The following GFRA1 variants were observed in gnomAD, a reference collection of about 807,000 sequenced individuals.
GFRA1 encodes GDNF family receptor alpha 1.
GFRA1 carries 16 observed loss-of-function variants against 51.6 expected under a neutral mutation model. The observed-to-expected ratio is 0.31, with a 90% confidence interval of 0.21 to 0.47. The LOEUF is 0.47. Among genes scored for constraint, GFRA1 ranks in the 20% least tolerant of loss-of-function variants. The pLI is 1.00. For missense variants in GFRA1, 530 were observed against 594.3 expected, an observed-to-expected ratio of 0.89 and a Z score of 1.13; for synonymous variants, 270 against 241.3, an observed-to-expected ratio of 1.12 and a Z score of -1.10.
At chr10:116,250,294 G>A (rs2901100) in intron 4 of GFRA1, among the ~76,000 whole-genome samples, 38,541 of 152,084 alleles carry the variant, frequency 0.25, 6,080 homozygotes, top group Non-Finnish European at 0.35. Context: ...TGGACACTAC[G>A]TATGTCAACT....
intron 6 of GFRA1, among the ~76,000 whole-genome samples, chr10:116,104,781 ACT>A (rs924026435): frequency 2.0e-5 from 3 of 152,156 alleles, no homozygotes; most frequent in African/African-American, 4.8e-5. Context: ...CTTGACAGGT[ACT>A]CTCTACCTGG....
intron 5 of GFRA1, among the ~76,000 whole-genome samples, chr10:116,147,538 G>C (rs541698635): frequency 3.7e-4 from 44 of 120,358 alleles, no homozygotes; most frequent in African/African-American, 1.2e-3. Context: ...AAAAGAAAGT[G>C]CTAGCGCCTA....
In GFRA1 at chr10:116,062,324, G is replaced by T. The variant is rs1167109158; in HGVS notation, c.*2074C>A. 2.0e-5 allele frequency: 8 copies of T among 392,510 alleles called. No homozygotes were observed. The highest frequency in any genetic ancestry group is 6.4e-4 in the Middle Eastern group (1 of 1,572). 24.3% of individuals were successfully genotyped at this position (392,510 alleles called of 1,614,324 possible). A position where few individuals can be genotyped will look rare whatever the true frequency, so the allele number is the denominator to read the frequency against. On this transcript the variant is annotated 3_prime_UTR_variant, in exon 11 of 11. Coordinates refer to ENST00000355422, the MANE Select transcript of GFRA1 (RefSeq NM_005264.8). ...AGATAACTGGCATTCCAAATATTTT[G>T]ACACACTTACTTAATGTGTTTATTC...
intron 5 of GFRA1, among the ~76,000 whole-genome samples, chr10:116,188,472 G>A (rs977892108): frequency 6.6e-6 from 1 of 152,190 alleles, no homozygotes; most frequent in Non-Finnish European, 1.5e-5. Flanking sequence ...AGGGGAGAAT[G>A]AGGGCTCTCT....
intron 4 of GFRA1, among the ~76,000 whole-genome samples, chr10:116,264,538 A>G (rs1397564921): frequency 6.6e-6 from 1 of 152,242 alleles, no homozygotes; most frequent in East Asian, 1.9e-4. Context: ...CCATAAAGGC[A>G]AGAGCACGAT....
At chr10:116,155,793 G>A (rs575012207) in intron 5 of GFRA1, among the ~76,000 whole-genome samples, 13 of 152,214 alleles carry the variant, frequency 8.5e-5, no homozygotes, top group Admixed American at 2.6e-4. Flanking sequence ...GACACACGCC[G>A]GAGCCACAGG....
chr10:116,058,135 G>A lies in GFRA1; in HGVS notation c.*6263C>T, dbSNP rs1954641208. 1 of 151,378 alleles carries A rather than the reference G, an allele frequency of 6.6e-6. No individual in the cohort carries two copies. Among genetic ancestry groups the A allele is most frequent in the African/African-American group, 2.4e-5 (1 of 41,296 alleles). The allele number at this position is 151,378 out of a possible 1,614,324, so 9.4% of individuals were successfully genotyped here. On this transcript the variant is annotated 3_prime_UTR_variant, in exon 11 of 11. Coordinates refer to ENST00000355422, the MANE Select transcript of GFRA1 (RefSeq NM_005264.8). The stretch of plus-strand genomic sequence containing the variant: ...TCACCTGCACTGCCACAGTCACCCG[G>A]TCTCGCCCCAGGTAATCAACCTTTA...
At position 116,061,360 on chromosome 10, in the gene GFRA1, C is replaced by T. The variant is rs1954809687; in HGVS notation, c.*3038G>A. 1 of 151,194 alleles carries T rather than the reference C, an allele frequency of 6.6e-6. No individual in the cohort carries two copies. Among genetic ancestry groups the T allele is most frequent in the South Asian group, 2.1e-4 (1 of 4,746 alleles). 9.4% of individuals were successfully genotyped at this position (151,194 alleles called of 1,614,324 possible). On this transcript the variant is annotated 3_prime_UTR_variant, in exon 11 of 11. Transcript: ENST00000355422. ...CAACTTATACTTTTTTTATTACAGA[C>T]TTGAAAAAAATCAGGTATGGAAAAA...
At position 116,164,200 on chromosome 10, in the gene GFRA1, C is replaced by T. The variant is rs192175684; in HGVS notation, c.434-38643G>A. On this transcript the variant is annotated intron_variant, in intron 5 of 10. Coordinates refer to ENST00000355422, the MANE Select transcript of GFRA1 (RefSeq NM_005264.8). Reference sequence around the variant, plus strand: ...GACTTTACTGGATGGCCTTCATACCCGAACTCCTCATTGCTGGATGTTTGA... The same window carrying T: ...GACTTTACTGGATGGCCTTCATACCTGAACTCCTCATTGCTGGATGTTTGA... Among the ~76,000 whole-genome samples, 22 of 152,226 alleles carry T rather than the reference C, an allele frequency of 1.4e-4. No homozygotes were observed. In the South Asian group the frequency reaches 2.3e-3, roughly 16 times the overall value.
At chr10:116,263,262 C>T (rs1969422317) in intron 4 of GFRA1, among the ~76,000 whole-genome samples, 1 of 152,182 alleles carries the variant, frequency 6.6e-6, no homozygotes, top group Non-Finnish European at 1.5e-5. Context: ...GAGTCCCAGT[C>T]TTGAGTCAGG....
At position 116,072,557 on chromosome 10, in the gene GFRA1, C is replaced by T. The variant is rs1028908706; in HGVS notation, c.1198-6931G>A. 2.6e-5 allele frequency among the ~76,000 whole-genome samples: 4 copies of T among 152,112 alleles called. No individual in the cohort carries two copies. The South Asian group carries it at 6.2e-4, about 24-fold the overall frequency. On this transcript the variant is annotated intron_variant, in intron 9 of 10. Coordinates refer to ENST00000355422, the MANE Select transcript of GFRA1 (RefSeq NM_005264.8). ...TGGGTGGATCATGAGGTCAGGAGTT[C>T]GAGACCAGCCTAGCCAGCATGGTGA...
intron 5 of GFRA1, among the ~76,000 whole-genome samples, chr10:116,196,507 ATATATATTTATAAATT>A (rs1475187333): frequency 6.7e-4 from 92 of 136,470 alleles, no homozygotes; most frequent in African/African-American, 2.2e-3. Flanking sequence ...TATATATATA[ATATATATTTATAAATT>A]TATATATTTA....
intron 5 of GFRA1, among the ~76,000 whole-genome samples, chr10:116,206,725 C>T (rs560850811): frequency 4.7e-4 from 71 of 150,658 alleles, no homozygotes; most frequent in African/African-American, 1.6e-3. Context: ...CTCCGCCTCC[C>T]GGGTTCACGC....
chr10:116,153,888 T>A (rs1243867223), intron 5 of GFRA1, among the ~76,000 whole-genome samples: 1 of 151,896 alleles, frequency 6.6e-6, no homozygotes, highest in East Asian at 1.9e-4. Flanking sequence ...TATAAATCAA[T>A]CAGAAAAAGA....
At chr10:116,155,376 A>T (rs1190086612) in intron 5 of GFRA1, among the ~76,000 whole-genome samples, 1 of 152,104 alleles carries the variant, frequency 6.6e-6, no homozygotes, top group Non-Finnish European at 1.5e-5. Flanking sequence ...GGAAGAAGCA[A>T]GCAGCTGATG....
At chr10:116,183,748 T>TTGC (rs1962448070) in intron 5 of GFRA1, among the ~76,000 whole-genome samples, 1 of 152,210 alleles carries the variant, frequency 6.6e-6, no homozygotes, top group African/African-American at 2.4e-5. Context: ...ACTCAGCACC[T>TTGC]TGCTCCCAGG....
At chr10:116,249,563 C>T (rs1968144067) in intron 4 of GFRA1, among the ~76,000 whole-genome samples, 1 of 152,116 alleles carries the variant, frequency 6.6e-6, no homozygotes, top group Non-Finnish European at 1.5e-5. Context: ...AGAAAGACTC[C>T]TGACAGATGT....
chr10:116,229,778 G>A (rs1176506208), intron 4 of GFRA1, among the ~76,000 whole-genome samples: 1 of 152,206 alleles, frequency 6.6e-6, no homozygotes, highest in Non-Finnish European at 1.5e-5. Flanking sequence ...CTCAGTCAAT[G>A]ATGGAAGGCT....
At chr10:116,088,317 G>T (rs1402908378) in intron 9 of GFRA1, among the ~76,000 whole-genome samples, 1 of 152,034 alleles carries the variant, frequency 6.6e-6, no homozygotes, top group Non-Finnish European at 1.5e-5. Flanking sequence ...GCCTCGATGT[G>T]CTCCAGTGAT....
Sources: allele counts gnomAD v4.1 joint callset (sites outside exome capture counted in the v4.1 genomes callset), GRCh38; gene constraint gnomAD v4.1.1; transcripts MANE v1.5; gene names NCBI Gene and HGNC (gene_info 2026-07-23, HGNC 2026-07-21).